The following CALN1 variants were observed in gnomAD, a reference collection of about 807,000 sequenced individuals.
CALN1 encodes the protein calcium-binding protein 8.
Under a neutral mutation model 30.6 loss-of-function variants are expected in CALN1, and 17 were observed. The observed-to-expected ratio is 0.56, with a 90% CI of 0.38 to 0.83. The LOEUF is 0.83. Among genes scored for constraint, CALN1 ranks in the 40% least tolerant of loss-of-function variants. The pLI is 0.00. For missense variants in CALN1, 291 were observed against 354.9 expected, an observed-to-expected ratio of 0.82 and a Z score of 1.45; for synonymous variants, 156 against 131.4, an observed-to-expected ratio of 1.19 and a Z score of -1.28.
chr7:71,851,426 C>T (rs968480381), intron 5 of CALN1, among the ~76,000 whole-genome samples: 6 of 151,358 alleles, frequency 4.0e-5, no homozygotes, highest in African/African-American at 1.5e-4. Flanking sequence ...GGCTGAGGCA[C>T]CAGAATTGCT....
chr7:71,947,169 C>A (rs1796448090), intron 5 of CALN1, among the ~76,000 whole-genome samples: 1 of 152,054 alleles, frequency 6.6e-6, no homozygotes, highest in Admixed American at 6.6e-5. Context: ...CACCACCACG[C>A]CTGGCTAATT....
At chr7:71,824,451 C>G (rs1220504281) in intron 5 of CALN1, among the ~76,000 whole-genome samples, 2 of 152,066 alleles carry the variant, frequency 1.3e-5, no homozygotes, top group Non-Finnish European at 2.9e-5. Flanking sequence ...GCCTGAGTCC[C>G]CAGTGAAGTC....
the CALN1 span, among the ~76,000 whole-genome samples, chr7:72,489,083 G>A: frequency 6.6e-6 from 1 of 152,078 alleles, no homozygotes; most frequent in African/African-American, 2.4e-5. Flanking sequence ...TGGGCCCTGT[G>A]AGTCCATCCG....
At chr7:71,876,025 G>C (rs1004904565) in intron 5 of CALN1, among the ~76,000 whole-genome samples, 1 of 152,228 alleles carries the variant, frequency 6.6e-6, no homozygotes, top group African/African-American at 2.4e-5. Context: ...TGGGGCATTT[G>C]GCCAAGAAAC....
intron 5 of CALN1, among the ~76,000 whole-genome samples, chr7:71,810,757 T>C (rs930266642): frequency 1.3e-5 from 2 of 152,218 alleles, no homozygotes; most frequent in African/African-American, 4.8e-5. Context: ...TGGTTTCCTA[T>C]TCATCCAGCC....
chr7:71,861,190 T>C lies in CALN1; in HGVS notation c.502-50698A>G, dbSNP rs201676079. Among the ~76,000 whole-genome samples the C allele has an allele frequency of 7.5e-4, 110 of 147,422 alleles. 3 individuals carry two copies. The South Asian group carries it at 0.021, about 28-fold the overall frequency. ...TGTTGTGGTGTGGGGTGTGTGTGTG[T>C]GCGTGTGTGTGTGTTACGCTTATGC... On this transcript the variant is annotated intron_variant, in intron 5 of 6. Coordinates refer to ENST00000395275, the MANE Select transcript of CALN1 (RefSeq NM_031468.4).
At chr7:71,965,095 G>A (rs574490204) in intron 5 of CALN1, among the ~76,000 whole-genome samples, 3 of 152,076 alleles carry the variant, frequency 2.0e-5, no homozygotes, top group Admixed American at 6.6e-5. Flanking sequence ...TGGTGCCATC[G>A]TAGCTCACTG....
intron 5 of CALN1, among the ~76,000 whole-genome samples, chr7:71,867,977 T>G (rs1239806353): frequency 1.3e-5 from 2 of 152,202 alleles, no homozygotes; most frequent in East Asian, 3.8e-4. Flanking sequence ...GATAGACATA[T>G]CTCCTTTTTC....
chr7:72,357,761 G>A (rs1028668423), intron 2 of CALN1, among the ~76,000 whole-genome samples: 6 of 150,430 alleles, frequency 4.0e-5, no homozygotes, highest in Non-Finnish European at 4.4e-5. Flanking sequence ...AAATAAACAT[G>A]TTTATAGGAA....
intron 2 of CALN1, among the ~76,000 whole-genome samples, chr7:72,309,989 C>T (rs564816139): frequency 6.8e-4 from 103 of 152,238 alleles, no homozygotes; most frequent in African/African-American, 2.2e-3. Flanking sequence ...CTGTTCACAT[C>T]GGTCCGCCAG....
In CALN1 at chr7:72,126,897, A is replaced by C. The variant is rs534458871; in HGVS notation, c.245-20603T>G. 7.9e-5 allele frequency among the ~76,000 whole-genome samples: 12 copies of C among 152,222 alleles called. No homozygotes were observed. In the East Asian group the frequency reaches 1.9e-3, roughly 25 times the overall value. On this transcript the variant is annotated intron_variant, in intron 3 of 6. Transcript: ENST00000395275. ...GGTGACAGATGCACCAAGATCTCAG[A>C]AATCACCCATAAAGAATTAAATCAC...
intron 2 of CALN1, among the ~76,000 whole-genome samples, chr7:72,305,057 G>A (rs1199926641): frequency 1.3e-5 from 2 of 152,342 alleles, no homozygotes; most frequent in South Asian, 4.1e-4. Flanking sequence ...GTGACCTGCT[G>A]TCTGCAGCCC....
At chr7:71,884,009 G>T (rs1251017594) in intron 5 of CALN1, among the ~76,000 whole-genome samples, 2 of 152,110 alleles carry the variant, frequency 1.3e-5, no homozygotes, top group African/African-American at 4.8e-5. Context: ...CGCCTCCCAG[G>T]TTCAAGCGAT....
chr7:72,494,537 C>T, the CALN1 span, among the ~76,000 whole-genome samples: 1 of 152,112 alleles, frequency 6.6e-6, no homozygotes, highest in African/African-American at 2.4e-5. Context: ...GCGGGAATTC[C>T]CTGGACCTCA....
chr7:71,834,348 TAAA>T (rs60091117), intron 5 of CALN1, among the ~76,000 whole-genome samples: 5,506 of 89,700 alleles, frequency 0.061, 324 homozygotes, highest in African/African-American at 0.21. Context: ...CGATCCACCC[TAAA>T]AAAAAAAAAA....
chr7:71,947,886 G>A (rs561645068), intron 5 of CALN1, among the ~76,000 whole-genome samples: 2 of 149,668 alleles, frequency 1.3e-5, no homozygotes, highest in African/African-American at 4.9e-5. Context: ...GTTGCAGTGA[G>A]CTAGTTGCAC....
At chr7:72,380,708 GATAGATAGATAGATAC>G (rs995079778) in intron 2 of CALN1, among the ~76,000 whole-genome samples, 21 of 145,920 alleles carry the variant, frequency 1.4e-4, no homozygotes, top group African/African-American at 5.3e-4. Flanking sequence ...CATTAGATTA[GATAGATAGATAGATAC>G]ATAGATACAT....
chr7:71,960,174 TAAA>T (rs1562937472), intron 5 of CALN1, among the ~76,000 whole-genome samples: 1 of 111,358 alleles, frequency 9.0e-6, no homozygotes, highest in African/African-American at 3.3e-5. Context: ...AATAAATAAA[TAAA>T]TAAATAAAAT....
chr7:71,799,517 G>C (rs755322632), intron 6 of CALN1, among the ~76,000 whole-genome samples: 8 of 152,024 alleles, frequency 5.3e-5, no homozygotes, highest in Non-Finnish European at 8.8e-5. Context: ...CCAGGCTGGA[G>C]TGCAATGGTG....
Sources: gnomAD v4.1 joint callset for allele counts (sites outside exome capture counted in the v4.1 genomes callset) on GRCh38, gnomAD v4.1.1 for gene constraint, MANE v1.5 for transcripts, NCBI Gene and HGNC (gene_info 2026-07-23, HGNC 2026-07-21) for gene names.